The following RNF38 variants were observed in gnomAD, a reference collection of about 807,000 sequenced individuals.
RNF38 encodes the protein ring finger protein 38.
Under a neutral mutation model 67.2 loss-of-function variants are expected in RNF38, and 15 were observed. The ratio of observed to expected loss-of-function variants is 0.22; its 90% confidence interval spans 0.15 to 0.34. RNF38 has a LOEUF of 0.34. Ranked by LOEUF, RNF38 falls within the 10% of genes least tolerant of loss-of-function variation. The pLI is 1.00. For missense variants in RNF38, 524 were observed against 639.9 expected (o/e 0.82, Z 1.95); for synonymous variants, 220 against 218.8 (o/e 1.01, Z -0.05).
intron 2 of RNF38, 91 bp downstream of exon 2, chr9:36,390,376 C>T: frequency 5.6e-6 from 6 of 1,066,230 alleles, no homozygotes; most frequent in Admixed American, 2.7e-5. Flanking sequence ...AACAAGGAGA[C>T]GATATTGGGC....
chr9:36,344,810 G>C (rs780581346), intron 10 of RNF38, 22 bp downstream of exon 10: 1 of 1,605,802 alleles, frequency 6.2e-7, no homozygotes, highest in Non-Finnish European at 8.5e-7. Flanking sequence ...ATTTAGCAGT[G>C]ATGTCAGAAA....
At chr9:36,418,828 T>C (rs1223305926) in intron 2 of RNF38, among the ~76,000 whole-genome samples, 1 of 151,858 alleles carries the variant, frequency 6.6e-6, no homozygotes, top group African/African-American at 2.4e-5. Flanking sequence ...GGCATGGTGG[T>C]GGTGCATGCC....
At chr9:36,345,608 T>C (rs753712847) in intron 9 of RNF38, among the ~76,000 whole-genome samples, 10 of 152,210 alleles carry the variant, frequency 6.6e-5, no homozygotes, top group Admixed American at 2.6e-4. Context: ...TCTAAAAAGA[T>C]AGACTTTTTA....
intron 1 of RNF38, among the ~76,000 whole-genome samples, chr9:36,468,111 G>A (rs943233756): frequency 6.6e-6 from 1 of 152,134 alleles, no homozygotes; most frequent in Non-Finnish European, 1.5e-5. Context: ...CAGTTGTGGT[G>A]GCGCACGCCT....
chr9:36,390,660 C>G, intron 1 of RNF38, 44 bp from the exon 2 acceptor site: 1 of 1,595,074 alleles, frequency 6.3e-7, no homozygotes, highest in Non-Finnish European at 8.6e-7. Flanking sequence ...GCTAGCTGCA[C>G]CAATGTGGAG....
At chr9:36,444,675 C>T (rs1459221775) in intron 1 of RNF38, among the ~76,000 whole-genome samples, 1 of 152,104 alleles carries the variant, frequency 6.6e-6, no homozygotes, top group Admixed American at 6.5e-5. Flanking sequence ...TGGTGCACAC[C>T]TATAGTCCCA....
rs139939617 is a variant in RNF38 at position 36,385,536 on chromosome 9, A to T, written c.162+4931T>A. On this transcript the variant is annotated intron_variant, in intron 2 of 11. Transcript: ENST00000259605. ...AGGGATTACAGGCATGTGCCACCAC[A>T]TCCGGATAATTTTTGTATTTTTAGT... Among the ~76,000 whole-genome samples, 9 of 151,886 alleles carry T rather than the reference A, an allele frequency of 5.9e-5. No individual in the cohort carries two copies. In the East Asian group the frequency reaches 1.7e-3, roughly 29 times the overall value.
At chr9:36,424,449 C>T (rs1026854791) in intron 2 of RNF38, among the ~76,000 whole-genome samples, 3 of 152,156 alleles carry the variant, frequency 2.0e-5, no homozygotes, top group African/African-American at 7.2e-5. Flanking sequence ...TTTTCTGGAG[C>T]AGTCAATAAT....
At chr9:36,366,799 T>C (rs768793258) in intron 4 of RNF38, among the ~76,000 whole-genome samples, 11 of 152,236 alleles carry the variant, frequency 7.2e-5, no homozygotes, top group Non-Finnish European at 1.5e-4. Flanking sequence ...TTTTCAATTA[T>C]AGCCCTTTTT....
intron 6 of RNF38, among the ~76,000 whole-genome samples, chr9:36,355,150 C>T (rs1447254714): frequency 2.0e-5 from 3 of 152,210 alleles, no homozygotes; most frequent in Non-Finnish European, 2.9e-5. Context: ...ATTGCTTCTA[C>T]AGTTTTCAGG....
intron 5 of RNF38, among the ~76,000 whole-genome samples, chr9:36,357,051 T>C (rs1834178653): frequency 1.3e-5 from 2 of 152,196 alleles, no homozygotes; most frequent in South Asian, 4.1e-4. Flanking sequence ...GAGCAACGTA[T>C]TAAGAGTTAC....
At chr9:36,364,567 G>T (rs7875620) in intron 4 of RNF38, among the ~76,000 whole-genome samples, 39,320 of 152,090 alleles carry the variant, frequency 0.26, 5,142 homozygotes, top group Middle Eastern at 0.36. Context: ...CATATTCACA[G>T]AAAATGTGTT....
intron 1 of RNF38, among the ~76,000 whole-genome samples, chr9:36,396,041 A>C (rs1837485952): frequency 1.3e-5 from 2 of 152,248 alleles, no homozygotes; most frequent in Admixed American, 1.3e-4. Context: ...AGAGCAGCCA[A>C]ATCAATGAGG....
chr9:36,367,631 T>C (rs952044785), intron 4 of RNF38, among the ~76,000 whole-genome samples: 1 of 152,196 alleles, frequency 6.6e-6, no homozygotes, highest in African/African-American at 2.4e-5. Context: ...AAACAGCTTA[T>C]TCTTTTAATA....
chr9:36,484,269 C>T (rs980325383), intron 1 of RNF38, among the ~76,000 whole-genome samples: 1 of 152,114 alleles, frequency 6.6e-6, no homozygotes, highest in African/African-American at 2.4e-5. Flanking sequence ...AGAAATCTAC[C>T]GCAACTATCA....
chr9:36,357,794 A>G lies in RNF38; in HGVS notation c.719T>C (p.Val240Ala). The G allele has an allele frequency of 6.2e-7, 1 of 1,613,742 alleles. No individual in the cohort carries two copies. The highest frequency in any genetic ancestry group is 8.5e-7 in the Non-Finnish European group (1 of 1,179,822). The change falls in exon 5 of 12, where the codon GTC (valine) becomes GCC (alanine). Residue 240 changes from valine to alanine, a missense_variant. Physicochemically the swap from Val to Ala is moderately conservative, Grantham distance 64. Around this residue, in one of 2 missense-constraint regions of RNF38, gnomAD observed 461 missense variants for 517.4 expected, o/e 0.89. Coordinates refer to ENST00000259605, the MANE Select transcript of RNF38 (RefSeq NM_022781.5). ...SVVFSGQHLP[V>A]CSVPPPMLQA... is the part of the protein sequence containing the mutation. ...ACTTACTGGAGGAGGCACACTACAG[A>G]CAGGGAGGTGCTGTCCACTGAAAAC...
At chr9:36,442,442 A>G (rs1839212414) in intron 1 of RNF38, among the ~76,000 whole-genome samples, 1 of 152,228 alleles carries the variant, frequency 6.6e-6, no homozygotes, top group Non-Finnish European at 1.5e-5. Context: ...TAGTGACCAA[A>G]CTGTCAGCTT....
At chr9:36,447,076 G>A (rs1021980223) in intron 1 of RNF38, among the ~76,000 whole-genome samples, 3 of 149,534 alleles carry the variant, frequency 2.0e-5, no homozygotes, top group Non-Finnish European at 4.4e-5. Context: ...GCAGTGAGTT[G>A]AGATCGTGTC....
chr9:36,438,176 G>A (rs1281191715), intron 1 of RNF38, among the ~76,000 whole-genome samples: 1 of 152,132 alleles, frequency 6.6e-6, no homozygotes, highest in African/African-American at 2.4e-5. Flanking sequence ...GGGCTCAAGA[G>A]ATCCTCCCAT....
Sources: allele counts gnomAD v4.1 joint callset (sites outside exome capture counted in the v4.1 genomes callset), GRCh38; gene constraint gnomAD v4.1.1; regional missense constraint gnomAD v4.1.1; transcripts MANE v1.5; gene names NCBI Gene and HGNC (gene_info 2026-07-23, HGNC 2026-07-21).